The following NPHP3 variants were observed in gnomAD, a reference collection of about 807,000 sequenced individuals.
NPHP3 encodes nephrocystin 3, also known as nephrocystin-3.
Under a neutral mutation model 171.9 loss-of-function variants are expected in NPHP3, and 123 were observed. That is an observed-to-expected ratio of 0.72 (90% confidence interval 0.62 to 0.83). The LOEUF (loss-of-function observed/expected upper bound fraction) is 0.83, where lower values mean the gene tolerates loss of function less well. Ranked by LOEUF, NPHP3 falls within the 40% of genes least tolerant of loss-of-function variation. NPHP3 has a pLI of 0.00. For missense variants in NPHP3, 1,506 were observed against 1,591.9 expected (o/e 0.95, Z 0.92); for synonymous variants, 558 against 579.2 (o/e 0.96, Z 0.52).
At position 132,686,302 on chromosome 3, in the gene NPHP3, A is replaced by G. The variant is rs777276873; in HGVS notation, c.3287T>C (p.Leu1096Pro). The change falls in exon 23 of 27, where the codon CTC (leucine) becomes CCC (proline). Residue 1096 changes from leucine (L) to proline (P), a missense_variant. Physicochemically the swap from Leu to Pro is moderately conservative, Grantham distance 98. Around this residue, in one of 3 missense-constraint regions of NPHP3, gnomAD observed 569 missense variants for 648.1 expected, o/e 0.88. Coordinates refer to ENST00000337331, the MANE Select transcript of NPHP3 (RefSeq NM_153240.5). ...ATAGTAGAGAACACCCAGTTCATTG[A>G]GGGTCCGAGCATTATCAGGTGTGTC... ...GKDTPDNART[L>P]NELGVLYYLQ... The G allele has an allele frequency of 1.2e-5, 19 of 1,613,816 alleles. No homozygotes were observed. Among genetic ancestry groups the G allele is most frequent in the Non-Finnish European group, 1.5e-5 (18 of 1,179,828 alleles).
chr3:132,696,192 T>C (rs1939449557), intron 15 of NPHP3, among the ~76,000 whole-genome samples: 1 of 151,788 alleles, frequency 6.6e-6, no homozygotes, highest in Non-Finnish European at 1.5e-5. Flanking sequence ...ATAAAAGTAG[T>C]AAAACATTCT....
intron 24 of NPHP3, 40 bp downstream of exon 24, chr3:132,684,514 A>G (rs1290365242): frequency 6.2e-7 from 1 of 1,610,356 alleles, no homozygotes; most frequent in Middle Eastern, 1.7e-4. Context: ...GGCTTAACTG[A>G]TATGTTATAA....
intron 9 of NPHP3, among the ~76,000 whole-genome samples, chr3:132,702,733 C>T (rs554645903): frequency 3.3e-5 from 5 of 152,222 alleles, no homozygotes; most frequent in Admixed American, 6.5e-5. Flanking sequence ...AATTAACAAG[C>T]AGAAAAATTA....
In NPHP3 at chr3:132,701,515, C is replaced by A; in HGVS notation, c.1543G>T (p.Asp515Tyr). Residue 515 changes from aspartate (D) to tyrosine (Y), a missense_variant, in exon 10 of 27, where the codon GAT becomes TAT. Around this residue, in one of 3 missense-constraint regions of NPHP3, gnomAD observed 930 missense variants for 924.9 expected, o/e 1.01. Coordinates refer to ENST00000337331, the MANE Select transcript of NPHP3 (RefSeq NM_153240.5). Reference protein sequence around the residue: ...GFEKYYQRLNDLVAAPAPIPP... With the variant: ...GFEKYYQRLNYLVAAPAPIPP... Reference sequence around the variant, plus strand: ...ATCGGGGCTGGTGCTGCCACTAGATCATTAAGGCGTTGGTAATACTAGAAA... The same window carrying A: ...ATCGGGGCTGGTGCTGCCACTAGATAATTAAGGCGTTGGTAATACTAGAAA... 2 of 1,612,308 alleles carry A rather than the reference C, an allele frequency of 1.2e-6. No individual in the cohort carries two copies. The highest frequency in any genetic ancestry group is 1.7e-6 in the Non-Finnish European group (2 of 1,178,596).
In NPHP3 at chr3:132,682,715, A is replaced by G. The variant is rs755459669; in HGVS notation, c.3800T>C (p.Leu1267Ser). 1.2e-6 allele frequency: 2 copies of G among 1,607,192 alleles called. No homozygotes were observed. The highest frequency in any genetic ancestry group is 2.2e-5 in the East Asian group (1 of 44,784). The stretch of plus-strand genomic sequence containing the variant: ...AAAAAATTCTTACCTAAGCACAGCT[A>G]AATTTTTCAGTGTTTCTCCAACTCG... The part of the protein sequence containing the change: ...HPRVGETLKN[L>S]AVLSYEGGDF... The change falls in exon 26 of 27, where the codon TTA becomes TCA. Residue 1267 changes from leucine to serine, a missense_variant. By Grantham distance (145) the Leu-to-Ser change is moderately radical. Coordinates refer to ENST00000337331, the MANE Select transcript of NPHP3 (RefSeq NM_153240.5).
chr3:132,700,280 A>T lies in NPHP3; in HGVS notation c.1743+54T>A, dbSNP rs1424916981. 5.1e-6 allele frequency: 7 copies of T among 1,383,898 alleles called. No homozygotes were observed. In the African/African-American group the frequency reaches 1.0e-4, roughly 20 times the overall value. The allele number at this position is 1,383,898 out of a possible 1,614,324, so 85.7% of individuals were successfully genotyped here. ...TACCAGTAGGTACTTATTAGTCCCA[A>T]CAATTTCTGAATCTAAATAAAATTC... On this transcript the variant is annotated intron_variant, in intron 11 of 26. Transcript: ENST00000337331.
chr3:132,716,790 C>G lies in NPHP3; in HGVS notation c.790G>C (p.Asp264His), dbSNP rs1940063685. Reference protein sequence around the residue: ...RGPEFAHSSIDVEGPFANVNR... With the variant: ...RGPEFAHSSIHVEGPFANVNR... ...ACATTTGCAAAGGGTCCTTCCACAT[C>G]TATAGAACTATGGGCAAACTCAGGG... The change falls in exon 4 of 27, where the codon GAT (aspartate) becomes CAT (histidine). Residue 264 changes from aspartate (D) to histidine (H), a missense_variant. By Grantham distance (81) the Asp-to-His change is moderately conservative. This residue lies in a region of NPHP3 where 930 missense variants were observed against 924.9 expected (regional missense o/e 1.01). Transcript: ENST00000337331. 1 of 1,614,068 alleles carries G rather than the reference C, an allele frequency of 6.2e-7. No individual in the cohort carries two copies. The highest frequency in any genetic ancestry group is 1.3e-5 in the African/African-American group (1 of 74,946).
rs187909761 is a variant in NPHP3, at chr3:132,690,045, T to A, written c.2693+483A>T. ...TCTGCCACTGACAAACTATAACATA[T>A]CAAAAGAGACAAACAGAATACATTT... On this transcript the variant is annotated intron_variant, in intron 19 of 26. Coordinates refer to ENST00000337331, the MANE Select transcript of NPHP3 (RefSeq NM_153240.5). Among the ~76,000 whole-genome samples, 4 of 152,260 alleles carry A rather than the reference T, an allele frequency of 2.6e-5. No individual in the cohort carries two copies. The East Asian group carries it at 7.7e-4, about 29-fold the overall frequency.
rs755094682 is a variant in NPHP3, at chr3:132,708,186, C to T, written c.1190G>A (p.Arg397His). The stretch of plus-strand genomic sequence containing the variant: ...AGAACTGACTTTTCCATCTTCCAAA[C>T]GATGAAAGATTAATCGAGGTTTTCC... ...PEGKPRLIFH[R>H]LEDGKVSSDS... The change falls in exon 7 of 27, where the codon CGT becomes CAT. Residue 397 changes from arginine to histidine, a missense_variant. By Grantham distance (29) the Arg-to-His change is conservative. Around this residue, in one of 3 missense-constraint regions of NPHP3, gnomAD observed 930 missense variants for 924.9 expected, o/e 1.01. Transcript: ENST00000337331. 6.4e-5 allele frequency: 104 copies of T among 1,613,680 alleles called. 2 individuals are homozygous for T. Among genetic ancestry groups the T allele is most frequent in the South Asian group, 5.7e-4 (52 of 91,078 alleles).
chr3:132,710,084 C>A (rs192284860), intron 6 of NPHP3, among the ~76,000 whole-genome samples: 1 of 152,068 alleles, frequency 6.6e-6, no homozygotes, highest in South Asian at 2.1e-4. Flanking sequence ...GATGAAACAA[C>A]GAGTCATGAG....
At chr3:132,691,053 C>A (rs1234712348) in intron 18 of NPHP3, 139 bp downstream of exon 18, 8 of 762,306 alleles carry the variant, frequency 1.0e-5, no homozygotes, top group Non-Finnish European at 1.9e-5. Context: ...TTGACATTAA[C>A]AGAATAGGGA....
At chr3:132,711,055 G>A (rs1447047661) in intron 6 of NPHP3, among the ~76,000 whole-genome samples, 1 of 152,234 alleles carries the variant, frequency 6.6e-6, no homozygotes, top group East Asian at 1.9e-4. Flanking sequence ...GATACCATCT[G>A]CACACAGGGA....
chr3:132,722,037 G>T lies in NPHP3; in HGVS notation c.319C>A (p.Gln107Lys), dbSNP rs772069134. The change falls in exon 1 of 27, where the codon CAG (glutamine) becomes AAG (lysine). Residue 107 changes from glutamine (Q) to lysine (K), a missense_variant. Transcript: ENST00000337331. The stretch of plus-strand genomic sequence containing the variant: ...CGGCGGCCCATGGACAACAACTCCT[G>T]GTTCTTGCTGACGCGAAAGATCTCG... ...EYEIFRVSKN[Q>K]ELLSMGRREA... The T allele has an allele frequency of 3.7e-6, 6 of 1,613,064 alleles. No homozygotes were observed. In the African/African-American group the frequency reaches 8.0e-5, roughly 22 times the overall value.
At chr3:132,698,993 A>G (rs1183375141) in intron 13 of NPHP3, among the ~76,000 whole-genome samples, 1 of 152,102 alleles carries the variant, frequency 6.6e-6, no homozygotes, top group Non-Finnish European at 1.5e-5. Flanking sequence ...CCCAGGTTCA[A>G]GCGATTCTCC....
intron 4 of NPHP3, among the ~76,000 whole-genome samples, chr3:132,715,510 A>G (rs1007006643): frequency 6.6e-6 from 1 of 152,218 alleles, no homozygotes; most frequent in African/African-American, 2.4e-5. Context: ...TGGTTACCTG[A>G]AGTTAGCCTA....
intron 15 of NPHP3, among the ~76,000 whole-genome samples, chr3:132,696,419 A>G (rs570250609): frequency 1.3e-5 from 2 of 152,364 alleles, no homozygotes; most frequent in South Asian, 4.1e-4. Flanking sequence ...ATAATATTGT[A>G]ACCCTCAGTT....
chr3:132,694,338 ACT>A (rs1939387057), intron 16 of NPHP3, among the ~76,000 whole-genome samples: 1 of 150,750 alleles, frequency 6.6e-6, no homozygotes, highest in Non-Finnish European at 1.5e-5. Context: ...AAACTATAAA[ACT>A]TTTTGAAGGA....
In NPHP3 at chr3:132,683,431, A is replaced by G. The variant is rs142616619; in HGVS notation, c.3664T>C (p.Leu1222=). 296 of 1,613,338 alleles carry G rather than the reference A, an allele frequency of 1.8e-4. 2 individuals are homozygous for G. In the African/African-American group the frequency reaches 3.8e-3, roughly 20 times the overall value. Residue 1222 remains leucine, a synonymous_variant, in exon 25 of 27, where the codon TTG becomes CTG. Transcript: ENST00000337331. Reference sequence around the variant, plus strand: ...CTATAAAGAACAGCTAAGTTCACCAAGGCAGTAGCTACACTAGGGTGCTTT... The same window carrying G: ...CTATAAAGAACAGCTAAGTTCACCAGGGCAGTAGCTACACTAGGGTGCTTT... ...GPKHPSVATA[L]VNLAVLYSQM...
Position 132,689,244 on chromosome 3 carries a change from G to C in NPHP3, c.2713C>G (p.Leu905Val), listed in dbSNP as rs746610937. The stretch of plus-strand genomic sequence containing the variant: ...TTGCCAACAAACTGCCAATAACTCA[G>C]CAACTCAGCAAAGTGTCCCCTGTTT... ...LYKRGHFAEL[L>V]SYWQFVGKDK... is the part of the protein sequence containing the mutation. Residue 905 changes from leucine to valine, a missense_variant, in exon 20 of 27, where the codon CTG becomes GTG. Physicochemically the swap from Leu to Val is conservative, Grantham distance 32 (BLOSUM62 1). Transcript: ENST00000337331. 6 of 1,613,982 alleles carry C rather than the reference G, an allele frequency of 3.7e-6. No homozygotes were observed. The highest frequency in any genetic ancestry group is 3.3e-5 in the South Asian group (3 of 91,086).
Sources: allele counts gnomAD v4.1 joint callset (sites outside exome capture counted in the v4.1 genomes callset), GRCh38; gene constraint gnomAD v4.1.1; regional missense constraint gnomAD v4.1.1; transcripts MANE v1.5; gene names NCBI Gene and HGNC (gene_info 2026-07-23, HGNC 2026-07-21).